The following MAGI2 variants were observed in gnomAD, a reference collection of about 807,000 sequenced individuals.
MAGI2 encodes the protein membrane associated guanylate kinase, WW and PDZ domain containing 2.
Under a neutral mutation model 133.3 loss-of-function variants are expected in MAGI2, and 35 were observed. The ratio of observed to expected loss-of-function variants is 0.26; its 90% CI spans 0.20 to 0.35. The LOEUF is 0.35. MAGI2 is among the 10% of genes least tolerant of loss of function. The pLI is 1.00. For synonymous variants in MAGI2, 729 were observed against 710.6 expected, an observed-to-expected ratio of 1.03 and a Z score of -0.41; for missense variants, 1,636 against 1,863.4, an observed-to-expected ratio of 0.88 and a Z score of 2.25.
At chr7:78,769,476 C>G (rs1054372851) in intron 2 of MAGI2, among the ~76,000 whole-genome samples, 3 of 148,338 alleles carry the variant, frequency 2.0e-5, no homozygotes, top group Non-Finnish European at 4.4e-5. Flanking sequence ...GTAGTTTGTA[C>G]TGAAGTAAAA....
At chr7:78,804,605 C>T (rs1165690946) in intron 2 of MAGI2, among the ~76,000 whole-genome samples, 14 of 151,098 alleles carry the variant, frequency 9.3e-5, no homozygotes, top group South Asian at 2.1e-4. Flanking sequence ...AAAAATTAGC[C>T]GGGCATGGTG....
At chr7:78,831,872 G>C (rs1315902803) in intron 2 of MAGI2, among the ~76,000 whole-genome samples, 3 of 152,152 alleles carry the variant, frequency 2.0e-5, no homozygotes, top group Non-Finnish European at 4.4e-5. Context: ...TCTGAAAAGA[G>C]AGTTATAATT....
chr7:78,449,923 T>C (rs959708735), intron 6 of MAGI2, among the ~76,000 whole-genome samples: 4 of 152,114 alleles, frequency 2.6e-5, no homozygotes, highest in African/African-American at 4.8e-5. Flanking sequence ...CCTCATAGCA[T>C]ATTTTACAGG....
chr7:79,011,688 C>T (rs1808111751), intron 1 of MAGI2, among the ~76,000 whole-genome samples: 1 of 152,150 alleles, frequency 6.6e-6, no homozygotes, highest in Non-Finnish European at 1.5e-5. Flanking sequence ...ATGTAATCTA[C>T]TCATCCTGTG....
chr7:78,203,640 T>C (rs1458743032), intron 10 of MAGI2, among the ~76,000 whole-genome samples: 1 of 152,226 alleles, frequency 6.6e-6, no homozygotes, highest in Admixed American at 6.5e-5. Context: ...ATAGTAGTCC[T>C]TTCTGAATTA....
At chr7:78,482,913 ACACACACACACG>A (rs1345768828) in intron 6 of MAGI2, among the ~76,000 whole-genome samples, 3 of 150,042 alleles carry the variant, frequency 2.0e-5, no homozygotes, top group African/African-American at 7.5e-5. Context: ...ACACACACAC[ACACACACACACG>A]AGTACTTGTA....
chr7:78,249,771 G>GT (rs1792193585), intron 10 of MAGI2, among the ~76,000 whole-genome samples: 1 of 152,130 alleles, frequency 6.6e-6, no homozygotes, highest in African/African-American at 2.4e-5. Flanking sequence ...GGAGAAAATA[G>GT]TTCCTGTGTC....
intron 1 of MAGI2, among the ~76,000 whole-genome samples, chr7:79,237,841 T>C (rs1832059206): frequency 6.6e-6 from 1 of 152,228 alleles, no homozygotes; most frequent in African/African-American, 2.4e-5. Flanking sequence ...CACAATGATT[T>C]TAAGTGAAAT....
chr7:78,184,405 C>A (rs766956025), intron 13 of MAGI2: 1 of 152,114 alleles, frequency 6.6e-6, no homozygotes, highest in Non-Finnish European at 1.5e-5. Context: ...ACATATCCCC[C>A]CAAAAATGAC....
intron 3 of MAGI2, among the ~76,000 whole-genome samples, chr7:78,574,565 C>T (rs1009273332): frequency 1.1e-4 from 16 of 152,180 alleles, no homozygotes; most frequent in Non-Finnish European, 2.2e-4. Context: ...TCATTAAGAA[C>T]GACTTAATGT....
chr7:78,984,370 T>A (rs538121649), intron 2 of MAGI2, among the ~76,000 whole-genome samples: 16 of 152,132 alleles, frequency 1.1e-4, no homozygotes, highest in Non-Finnish European at 2.2e-4. Flanking sequence ...TCACTCAACA[T>A]AAAGTCAAAG....
At chr7:78,317,964 A>T (rs952839216) in intron 9 of MAGI2, among the ~76,000 whole-genome samples, 8 of 152,212 alleles carry the variant, frequency 5.3e-5, no homozygotes, top group African/African-American at 1.7e-4. Context: ...ACCCCGTTGG[A>T]AGGTCACCAA....
intron 1 of MAGI2, among the ~76,000 whole-genome samples, chr7:79,037,339 C>T (rs574662825): frequency 3.6e-4 from 55 of 152,204 alleles, no homozygotes; most frequent in Non-Finnish European, 5.4e-4. Context: ...AAAACCCCTG[C>T]GTTTCATGAC....
At chr7:78,330,615 CA>C (rs4024122) in intron 9 of MAGI2, among the ~76,000 whole-genome samples, 22 of 6,932 alleles carry the variant, frequency 3.2e-3, no homozygotes, top group African/African-American at 8.6e-3. Flanking sequence ...GACTCCGTCT[CA>C]AAAAAAAAAA....
Position 79,448,411 on chromosome 7 carries a change from T to C in MAGI2, c.301+4609A>G, listed in dbSNP as rs568288134. On this transcript the variant is annotated intron_variant, in intron 1 of 21. Transcript: ENST00000354212. Reference sequence around the variant, plus strand: ...TATCTTGAAAATTAAAAACACCTCATAATGTCACTAGCTCAAAATGACCAA... The same window carrying C: ...TATCTTGAAAATTAAAAACACCTCACAATGTCACTAGCTCAAAATGACCAA... 3.3e-5 allele frequency among the ~76,000 whole-genome samples: 5 copies of C among 152,246 alleles called. No homozygotes were observed. In the South Asian group the frequency reaches 1.0e-3, roughly 32 times the overall value.
intron 2 of MAGI2, among the ~76,000 whole-genome samples, chr7:78,670,208 A>G (rs1814195733): frequency 6.6e-6 from 1 of 152,158 alleles, no homozygotes. Context: ...TAAGCTGATA[A>G]GCAACTTCAG....
In MAGI2 at chr7:78,626,826, A is replaced by ATG. The variant is rs71085549; in HGVS notation, c.538+292_538+293dup. ...AGGAGACAAGCACAAGAATACTTCA[A>ATG]TGTGTGTGTGTGTGTGTGTGTGTGT... On this transcript the variant is annotated intron_variant, in intron 3 of 21. Coordinates refer to ENST00000354212, the MANE Select transcript of MAGI2 (RefSeq NM_012301.4). Among the ~76,000 whole-genome samples the ATG allele has an allele frequency of 0.024, 3,526 of 148,394 alleles. 83 individuals carry two copies. Among genetic ancestry groups the ATG allele is most frequent in the East Asian group, 0.051 (255 of 5,038 alleles).
intron 10 of MAGI2, chr7:78,254,658 C>T (rs910764032): frequency 6.6e-6 from 1 of 152,206 alleles, no homozygotes; most frequent in African/African-American, 2.4e-5. Context: ...CAATGTGATA[C>T]TTCCTTGAAG....
intron 1 of MAGI2, among the ~76,000 whole-genome samples, chr7:79,161,643 G>C (rs993399740): frequency 6.6e-6 from 1 of 152,086 alleles, no homozygotes; most frequent in Non-Finnish European, 1.5e-5. Flanking sequence ...CTCCTGAGCT[G>C]TTTGGTTTGC....
Sources: allele counts gnomAD v4.1 joint callset (sites outside exome capture counted in the v4.1 genomes callset), GRCh38; gene constraint gnomAD v4.1.1; transcripts MANE v1.5; gene names NCBI Gene and HGNC (gene_info 2026-07-23, HGNC 2026-07-21).